TMTC2: variants seen among roughly 807,000 people sequenced by gnomAD.
TMTC2 encodes the protein protein O-mannosyl-transferase TMTC2.
A neutral mutation model predicts 82.4 loss-of-function variants in TMTC2; 43 were observed. That is an observed-to-expected ratio of 0.52 (90% CI 0.41 to 0.67). The LOEUF (loss-of-function observed/expected upper bound fraction) is 0.67, where lower values mean the gene tolerates loss of function less well. Ranked by LOEUF, TMTC2 falls within the 30% of genes least tolerant of loss-of-function variation. TMTC2 has a pLI of 0.00. For synonymous variants in TMTC2, 408 were observed against 381.9 expected, an observed-to-expected ratio of 1.07 and a Z score of -0.80; for missense variants, 919 against 1,012.4, an observed-to-expected ratio of 0.91 and a Z score of 1.25.
intron 11 of TMTC2, among the ~76,000 whole-genome samples, chr12:83,088,125 T>C (rs1280087303): frequency 6.6e-6 from 1 of 152,226 alleles, no homozygotes; most frequent in African/African-American, 2.4e-5. Flanking sequence ...CATTTTTATA[T>C]TATAGAGATG....
intron 1 of TMTC2, among the ~76,000 whole-genome samples, chr12:82,836,958 C>T (rs1013372891): frequency 3.3e-5 from 5 of 152,160 alleles, no homozygotes; most frequent in African/African-American, 9.7e-5. Flanking sequence ...TGCTAGTCTG[C>T]CATCACTTTT....
chr12:82,827,931 C>T (rs1363101216), intron 1 of TMTC2, among the ~76,000 whole-genome samples: 1 of 148,494 alleles, frequency 6.7e-6, no homozygotes, highest in South Asian at 2.1e-4. Flanking sequence ...CTTGCTCTGT[C>T]GCCTGAGCTG....
chr12:82,708,004 C>T (rs554981663), intron 1 of TMTC2, among the ~76,000 whole-genome samples: 1 of 152,290 alleles, frequency 6.6e-6, no homozygotes, highest in South Asian at 2.1e-4. Context: ...GGATTATTAT[C>T]TGTCTCGAGG....
chr12:82,877,753 G>A (rs960395607), intron 2 of TMTC2, among the ~76,000 whole-genome samples: 1 of 152,116 alleles, frequency 6.6e-6, no homozygotes, highest in Non-Finnish European at 1.5e-5. Context: ...TATTTCTACA[G>A]TAAAGGATGG....
intron 1 of TMTC2, among the ~76,000 whole-genome samples, chr12:82,767,662 G>A (rs1040126601): frequency 6.6e-6 from 1 of 151,776 alleles, no homozygotes; most frequent in African/African-American, 2.4e-5. Context: ...ACTGAATATT[G>A]GTTTCTCATC....
At chr12:82,843,764 A>G (rs547345636) in intron 1 of TMTC2, among the ~76,000 whole-genome samples, 22 of 152,114 alleles carry the variant, frequency 1.4e-4, no homozygotes, top group Admixed American at 5.2e-4. Flanking sequence ...TCTGGCCAAC[A>G]TGGTGAAACC....
In TMTC2 at chr12:83,117,932, T is replaced by A. The variant is rs1243033077; in HGVS notation, c.2332-14278T>A. The stretch of plus-strand genomic sequence containing the variant: ...TATTTATTTATTTATTTATTTATTT[T>A]GTAAAAGAGGTTGAGTTCTTGATTT... On this transcript the variant is annotated intron_variant, in intron 11 of 11. Coordinates refer to ENST00000321196, the MANE Select transcript of TMTC2 (RefSeq NM_152588.3). Among the ~76,000 whole-genome samples, 7 of 143,302 alleles carry A rather than the reference T, an allele frequency of 4.9e-5. No individual in the cohort carries two copies. In the South Asian group the frequency reaches 7.1e-4, roughly 15 times the overall value. 94.0% of individuals were successfully genotyped at this position (143,302 alleles called of 152,430 possible). A position where few individuals can be genotyped will look rare whatever the true frequency, so the allele number is the denominator to read the frequency against.
chr12:82,725,480 T>A (rs1265834886), intron 1 of TMTC2, among the ~76,000 whole-genome samples: 2 of 152,208 alleles, frequency 1.3e-5, no homozygotes, highest in South Asian at 4.1e-4. Context: ...AATACTTTGA[T>A]ATCATAAAAA....
chr12:82,828,538 T>C (rs1869564736), intron 1 of TMTC2, among the ~76,000 whole-genome samples: 1 of 152,204 alleles, frequency 6.6e-6, no homozygotes, highest in South Asian at 2.1e-4. Context: ...CTGTATGGCC[T>C]TCATATACTC....
intron 11 of TMTC2, among the ~76,000 whole-genome samples, chr12:83,092,360 A>G (rs942485520): frequency 3.3e-5 from 5 of 152,200 alleles, no homozygotes; most frequent in Admixed American, 1.3e-4. Context: ...GCTGATTGCA[A>G]GCATGTCTGT....
chr12:82,757,480 G>A (rs142311444), intron 1 of TMTC2, among the ~76,000 whole-genome samples: 147 of 152,214 alleles, frequency 9.7e-4, no homozygotes, highest in African/African-American at 3.3e-3. Flanking sequence ...CTCTTGGTGA[G>A]TTCATTGAAG....
At chr12:83,098,555 A>T (rs1392104426) in intron 11 of TMTC2, among the ~76,000 whole-genome samples, 1 of 152,208 alleles carries the variant, frequency 6.6e-6, no homozygotes, top group East Asian at 1.9e-4. Flanking sequence ...ATGTTTTGTC[A>T]AATTCCTGTT....
chr12:83,042,237 C>A (rs1881921759), intron 9 of TMTC2, among the ~76,000 whole-genome samples: 1 of 152,188 alleles, frequency 6.6e-6, no homozygotes, highest in Admixed American at 6.5e-5. Flanking sequence ...CTCATTACTG[C>A]TCTAACTCAG....
At chr12:82,837,691 T>C (rs1870125065) in intron 1 of TMTC2, among the ~76,000 whole-genome samples, 1 of 152,244 alleles carries the variant, frequency 6.6e-6, no homozygotes, top group Admixed American at 6.5e-5. Flanking sequence ...CTTTCCAGTA[T>C]GTTGCACTAA....
chr12:82,698,230 T>G (rs1872908241), intron 1 of TMTC2, among the ~76,000 whole-genome samples: 2 of 152,216 alleles, frequency 1.3e-5, no homozygotes, highest in African/African-American at 4.8e-5. Context: ...AAATACTGTA[T>G]GTACTGTGTA....
chr12:82,795,224 G>A lies in TMTC2; in HGVS notation c.84-61786G>A, dbSNP rs1266448116. Reference sequence around the variant, plus strand: ...GGAGGCTGAGGTGGGCGAATTGCTTGAACCTGGGAGGCAGGGGTTGCAGTG... The same window carrying A: ...GGAGGCTGAGGTGGGCGAATTGCTTAAACCTGGGAGGCAGGGGTTGCAGTG... On this transcript the variant is annotated intron_variant, in intron 1 of 11. Transcript: ENST00000321196. Among the ~76,000 whole-genome samples the A allele has an allele frequency of 1.3e-5, 2 of 149,842 alleles. 1 individual carries two copies. Among genetic ancestry groups the A allele is most frequent in the Non-Finnish European group, 3.0e-5 (2 of 67,682 alleles).
intron 11 of TMTC2, among the ~76,000 whole-genome samples, chr12:83,080,404 G>T (rs1005202069): frequency 6.6e-6 from 1 of 151,876 alleles, no homozygotes; most frequent in East Asian, 1.9e-4. Flanking sequence ...TGTGTGTAAT[G>T]AATGATTAGC....
intron 11 of TMTC2, among the ~76,000 whole-genome samples, chr12:83,131,848 A>G (rs1478073959): frequency 6.6e-6 from 1 of 152,174 alleles, no homozygotes; most frequent in Non-Finnish European, 1.5e-5. Flanking sequence ...TTGTCATTGA[A>G]TTGAAATTTT....
At chr12:82,703,647 C>T (rs558170242) in intron 1 of TMTC2, among the ~76,000 whole-genome samples, 5 of 152,096 alleles carry the variant, frequency 3.3e-5, no homozygotes, top group Non-Finnish European at 5.9e-5. Flanking sequence ...TACAGGCGTC[C>T]GCCACCGTGC....
Sources: gnomAD v4.1 joint callset for allele counts (sites outside exome capture counted in the v4.1 genomes callset) on GRCh38, gnomAD v4.1.1 for gene constraint, MANE v1.5 for transcripts, NCBI Gene and HGNC (gene_info 2026-07-23, HGNC 2026-07-21) for gene names.